IMMP2L: variants seen among roughly 807,000 people sequenced by gnomAD.
IMMP2L encodes the protein mitochondrial inner membrane protease subunit 2.
A neutral mutation model predicts 19.3 loss-of-function variants in IMMP2L; 18 were observed. That is an observed-to-expected ratio of 0.93 (90% CI 0.64 to 1.38). The LOEUF is 1.38. Ranked by LOEUF, IMMP2L falls within the 40% of genes most tolerant of loss-of-function variation. IMMP2L has a pLI of 0.00. For synonymous variants in IMMP2L, 76 were observed against 73.0 expected, an observed-to-expected ratio of 1.04 and a Z score of -0.21; for missense variants, 233 against 218.2, an observed-to-expected ratio of 1.07 and a Z score of -0.43.
intron 3 of IMMP2L, among the ~76,000 whole-genome samples, chr7:110,974,442 T>A (rs1820481582): frequency 6.6e-6 from 1 of 152,170 alleles, no homozygotes; most frequent in Non-Finnish European, 1.5e-5. Flanking sequence ...TTTAAAACTT[T>A]TAAATAGTCT....
intron 3 of IMMP2L, among the ~76,000 whole-genome samples, chr7:111,118,671 T>C (rs541798381): frequency 7.9e-5 from 12 of 152,196 alleles, no homozygotes; most frequent in Admixed American, 2.6e-4. Flanking sequence ...AAGAAGATAC[T>C]ATTATTACTT....
At chr7:111,533,965 GA>G (rs1563322832) in intron 1 of IMMP2L, among the ~76,000 whole-genome samples, 1 of 151,504 alleles carries the variant, frequency 6.6e-6, no homozygotes, top group African/African-American at 2.4e-5. Flanking sequence ...TAAAGTATAA[GA>G]AAAAAGACAA....
At chr7:110,820,132 A>G (rs904667618) in intron 5 of IMMP2L, among the ~76,000 whole-genome samples, 1 of 152,086 alleles carries the variant, frequency 6.6e-6, no homozygotes, top group East Asian at 1.9e-4. Flanking sequence ...CATAAATTCA[A>G]TAAGAATCTA....
chr7:110,750,616 T>C (rs1797658835), intron 5 of IMMP2L, among the ~76,000 whole-genome samples: 1 of 151,998 alleles, frequency 6.6e-6, no homozygotes, highest in African/African-American at 2.4e-5. Flanking sequence ...AAAATCAAGA[T>C]AAATAAGAAA....
intron 5 of IMMP2L, among the ~76,000 whole-genome samples, chr7:110,669,093 ATG>A (rs1554389199): frequency 5.6e-4 from 72 of 127,560 alleles, no homozygotes; most frequent in African/African-American, 2.6e-3. Context: ...GTGTGTGTAT[ATG>A]TATATATATA....
At chr7:111,283,117 T>C (rs1445691508) in intron 3 of IMMP2L, among the ~76,000 whole-genome samples, 10 of 152,170 alleles carry the variant, frequency 6.6e-5, no homozygotes, top group Admixed American at 6.6e-4. Flanking sequence ...AAATAATATA[T>C]GTTCTCTGAT....
At chr7:110,972,000 C>T (rs1820190161) in intron 3 of IMMP2L, among the ~76,000 whole-genome samples, 1 of 152,000 alleles carries the variant, frequency 6.6e-6, no homozygotes, top group Non-Finnish European at 1.5e-5. Context: ...GAGGTTAGAA[C>T]ATAAGTAGAA....
intron 5 of IMMP2L, among the ~76,000 whole-genome samples, chr7:110,669,144 A>G (rs1490487957): frequency 6.7e-6 from 1 of 149,486 alleles, no homozygotes; most frequent in Non-Finnish European, 1.5e-5. Flanking sequence ...TTTATCTTTA[A>G]GGAATTAGCA....
chr7:110,684,792 T>C (rs1002856494), intron 5 of IMMP2L, among the ~76,000 whole-genome samples: 1 of 151,982 alleles, frequency 6.6e-6, no homozygotes. Context: ...CACCAATCCA[T>C]TTCCCTACCA....
intron 5 of IMMP2L, among the ~76,000 whole-genome samples, chr7:110,681,823 T>G (rs1214412431): frequency 6.6e-6 from 1 of 151,922 alleles, no homozygotes; most frequent in African/African-American, 2.4e-5. Flanking sequence ...AGTAATCTAG[T>G]GAGTAATTCA....
At chr7:110,791,468 T>A (rs553864355) in intron 5 of IMMP2L, among the ~76,000 whole-genome samples, 1 of 151,888 alleles carries the variant, frequency 6.6e-6, no homozygotes, top group South Asian at 2.1e-4. Flanking sequence ...GTGTTATCTT[T>A]AATGATAATT....
At chr7:110,850,237 A>G (rs367743482) in intron 5 of IMMP2L, among the ~76,000 whole-genome samples, 1 of 152,194 alleles carries the variant, frequency 6.6e-6, no homozygotes, top group African/African-American at 2.4e-5. Flanking sequence ...ATAAAGCAAA[A>G]AAACCAAGTA....
chr7:111,320,020 TAAAA>T (rs563406841), intron 3 of IMMP2L, among the ~76,000 whole-genome samples: 4 of 151,830 alleles, frequency 2.6e-5, no homozygotes, highest in Non-Finnish European at 5.9e-5. Context: ...AAAACCACTT[TAAAA>T]AAAATCTTCA....
intron 3 of IMMP2L, among the ~76,000 whole-genome samples, chr7:111,264,669 T>A (rs1352712518): frequency 2.0e-5 from 3 of 151,362 alleles, no homozygotes. Flanking sequence ...GAGATTGGCA[T>A]CCAGGGAAAA....
intron 5 of IMMP2L, among the ~76,000 whole-genome samples, chr7:110,814,854 T>G (rs534424099): frequency 6.6e-6 from 1 of 151,874 alleles, no homozygotes; most frequent in Admixed American, 6.6e-5. Context: ...AACTTGTTAA[T>G]AGAAATTTGT....
At chr7:111,391,704 T>G in intron 3 of IMMP2L, 1 of 510,088 alleles carries the variant, frequency 2.0e-6, no homozygotes, top group Non-Finnish European at 3.5e-6. Flanking sequence ...TATCCAAAGA[T>G]GCAAATTTTT....
chr7:111,482,651 C>G (rs1842291675), intron 3 of IMMP2L, among the ~76,000 whole-genome samples: 1 of 152,120 alleles, frequency 6.6e-6, no homozygotes, highest in East Asian at 1.9e-4. Context: ...AAAACCCATG[C>G]CTGAAAGAGA....
intron 5 of IMMP2L, among the ~76,000 whole-genome samples, chr7:110,855,029 T>G (rs1375143669): frequency 3.9e-5 from 6 of 151,996 alleles, no homozygotes; most frequent in African/African-American, 1.4e-4. Flanking sequence ...ATACACATTT[T>G]TAAGGCCAGT....
intron 5 of IMMP2L, among the ~76,000 whole-genome samples, chr7:110,705,034 CATT>C (rs1239694013): frequency 2.6e-5 from 4 of 152,140 alleles, no homozygotes; most frequent in African/African-American, 9.6e-5. Flanking sequence ...ATGATCAGCT[CATT>C]ATTATTATTT....
Sources: allele counts gnomAD v4.1 joint callset (sites outside exome capture counted in the v4.1 genomes callset), GRCh38; gene constraint gnomAD v4.1.1; transcripts MANE v1.5; gene names NCBI Gene and HGNC (gene_info 2026-07-23, HGNC 2026-07-21).